Variants in PHEX observed in about 807,000 individuals in gnomAD.
The protein encoded by PHEX is phosphate-regulating neutral endopeptidase PHEX.
A neutral mutation model predicts 68.0 loss-of-function variants in PHEX; 16 were observed. That is an observed-to-expected ratio of 0.24 (90% CI 0.16 to 0.36). The LOEUF (loss-of-function observed/expected upper bound fraction) is 0.36, where lower values mean the gene tolerates loss of function less well. PHEX is among the 10% of genes least tolerant of loss of function. The pLI is 1.00. For missense variants in PHEX, 480 were observed against 575.5 expected, an observed-to-expected ratio of 0.83 and a Z score of 1.70; for synonymous variants, 208 against 205.1, an observed-to-expected ratio of 1.01 and a Z score of -0.12.
chrX:22,206,678 T>C (rs1322146124), intron 15 of PHEX, among the ~76,000 whole-genome samples: 3 of 110,993 alleles, frequency 2.7e-5, no homozygotes, highest in Non-Finnish European at 5.7e-5. Context: ...TGGCGGAAAG[T>C]AGGTTCTAGG....
intron 11 of PHEX, among the ~76,000 whole-genome samples, chrX:22,127,057 A>G (rs777714767): frequency 9.2e-6 from 1 of 108,358 alleles, no homozygotes; most frequent in Admixed American, 9.9e-5. Context: ...TTTTTAGTAG[A>G]GACAGGGTTT....
At chrX:22,149,585 C>T (rs142152127) in intron 12 of PHEX, among the ~76,000 whole-genome samples, 1,965 of 112,064 alleles carry the variant, frequency 0.018, 53 homozygotes, top group African/African-American at 0.06. Flanking sequence ...AAAACCCTGT[C>T]TCTACTAAAA....
chrX:22,155,284 A>G (rs930044702), intron 12 of PHEX, among the ~76,000 whole-genome samples: 3 of 112,798 alleles, frequency 2.7e-5, no homozygotes, highest in African/African-American at 9.7e-5. Context: ...TGAGGGAGGT[A>G]CTTCACAAGG....
chrX:22,042,376 G>A (rs770506382), intron 2 of PHEX, among the ~76,000 whole-genome samples: 13 of 112,401 alleles, frequency 1.2e-4, no homozygotes, highest in Non-Finnish European at 2.4e-4. Flanking sequence ...GCATGATTTA[G>A]CTATTTACAA....
At chrX:22,123,834 T>TC (rs199620378) in intron 11 of PHEX, among the ~76,000 whole-genome samples, 24 of 79,568 alleles carry the variant, frequency 3.0e-4, no homozygotes, top group South Asian at 1.9e-3. Context: ...TTTCTTTTTC[T>TC]TTTTTTTTTT....
At chrX:22,214,852 T>C (rs1470759580) in intron 16 of PHEX, among the ~76,000 whole-genome samples, 2 of 112,229 alleles carry the variant, frequency 1.8e-5, no homozygotes, top group Non-Finnish European at 3.8e-5. Flanking sequence ...CAGGTTCTTA[T>C]TTAACCAAAT....
chrX:22,054,542 G>T (rs1450948541), intron 3 of PHEX, among the ~76,000 whole-genome samples: 2 of 111,838 alleles, frequency 1.8e-5, no homozygotes, highest in Non-Finnish European at 3.8e-5. Context: ...TTTATTACTA[G>T]TGAAAACTCA....
intron 16 of PHEX, among the ~76,000 whole-genome samples, chrX:22,214,037 T>G (rs1935010972): frequency 8.9e-6 from 1 of 112,104 alleles, no homozygotes; most frequent in Admixed American, 9.5e-5. Context: ...TACTACAAAC[T>G]TAGTGGCTTA....
intron 12 of PHEX, among the ~76,000 whole-genome samples, chrX:22,166,274 G>A (rs1280216043): frequency 9.0e-6 from 1 of 111,384 alleles, no homozygotes; most frequent in African/African-American, 3.3e-5. Context: ...TTATTCCCAT[G>A]CTAAACATAT....
At chrX:22,044,023 G>C (rs749522082) in intron 2 of PHEX, among the ~76,000 whole-genome samples, 23 of 111,390 alleles carry the variant, frequency 2.1e-4, no homozygotes, top group East Asian at 5.6e-4. Flanking sequence ...GCTGCAACTA[G>C]AGTTTTCTCA....
intron 11 of PHEX, among the ~76,000 whole-genome samples, chrX:22,128,213 C>T (rs868648843): frequency 7.4e-5 from 8 of 108,354 alleles, no homozygotes; most frequent in Middle Eastern, 4.7e-3. Context: ...CATGTGCCAC[C>T]ACACCTGGCT....
rs191004122 is a variant in PHEX at position 22,049,891 on chromosome X, C to T, written c.349+2680C>T. 4.7e-3 allele frequency among the ~76,000 whole-genome samples: 523 copies of T among 111,411 alleles called. 4 individuals are homozygous for T. The highest frequency in any genetic ancestry group is 0.016 in the African/African-American group (489 of 30,689). ...AAAAAAAAAAAGTTTGTTTCTAGGT[C>T]TTTATATTTTTTTGATGTTTTAAAG... On this transcript the variant is annotated intron_variant, in intron 3 of 21. Transcript: ENST00000379374.
At chrX:22,245,969 A>C (rs142196221) in intron 21 of PHEX, among the ~76,000 whole-genome samples, 4,569 of 111,521 alleles carry the variant, frequency 0.041, 94 homozygotes, top group Middle Eastern at 0.065. Context: ...AACATGAATG[A>C]ATGGCCACTT....
intron 10 of PHEX, 26 bp from the exon 11 acceptor site, chrX:22,114,432 T>C: frequency 8.3e-7 from 1 of 1,199,141 alleles, no homozygotes. Flanking sequence ...AAATGAAGTT[T>C]AATCTGGATC....
At chrX:22,135,409 C>G (rs775073879) in intron 12 of PHEX, among the ~76,000 whole-genome samples, 1 of 112,340 alleles carries the variant, frequency 8.9e-6, no homozygotes, top group Non-Finnish European at 1.9e-5. Flanking sequence ...ATTAAGGGCT[C>G]TTTATCCTCG....
intron 20 of PHEX, among the ~76,000 whole-genome samples, chrX:22,229,398 C>T (rs1935627752): frequency 8.9e-6 from 1 of 111,967 alleles, no homozygotes; most frequent in African/African-American, 3.2e-5. Flanking sequence ...TCCTCTACAG[C>T]ATCTGTTGTT....
At chrX:22,130,548 CA>C (rs35621431) in intron 11 of PHEX, among the ~76,000 whole-genome samples, 2,327 of 30,155 alleles carry the variant, frequency 0.077, 36 homozygotes, top group East Asian at 0.19. Context: ...GACTCATTCT[CA>C]AAAAAAAAAA....
chrX:22,167,790 C>T (rs994521854), intron 12 of PHEX, among the ~76,000 whole-genome samples: 5 of 111,159 alleles, frequency 4.5e-5, no homozygotes, highest in East Asian at 5.6e-4. Context: ...CAACTGTGCC[C>T]GACCTCCTTT....
intron 12 of PHEX, among the ~76,000 whole-genome samples, chrX:22,136,949 G>A (rs1479813579): frequency 8.9e-6 from 1 of 112,033 alleles, no homozygotes; most frequent in Non-Finnish European, 1.9e-5. Context: ...AATAAGCACC[G>A]CTTTTTGTTT....
Sources: allele counts gnomAD v4.1 joint callset (sites outside exome capture counted in the v4.1 genomes callset), GRCh38; gene constraint gnomAD v4.1.1; transcripts MANE v1.5; gene names NCBI Gene and HGNC (gene_info 2026-07-23, HGNC 2026-07-21).